Variants in SNX29 observed in about 807,000 individuals in gnomAD.
The protein encoded by SNX29 is sorting nexin 29.
In SNX29, 78 loss-of-function variants were observed where a neutral mutation model predicts 102.1. The observed-to-expected ratio is 0.76, with a 90% CI of 0.64 to 0.92. The LOEUF (loss-of-function observed/expected upper bound fraction) is 0.92. SNX29 is among the 40% of genes least tolerant of loss of function. The pLI is 0.00. For missense variants in SNX29, 1,280 were observed against 1,061.7 expected, an observed-to-expected ratio of 1.21 and a Z score of -2.86; for synonymous variants, 580 against 414.5, an observed-to-expected ratio of 1.40 and a Z score of -4.85.
chr16:12,242,736 CT>C (rs1443069904), intron 14 of SNX29, among the ~76,000 whole-genome samples: 1 of 151,890 alleles, frequency 6.6e-6, no homozygotes, highest in Non-Finnish European at 1.5e-5. Flanking sequence ...TCACTGCAGC[CT>C]CAACCTACCA....
intron 18 of SNX29, among the ~76,000 whole-genome samples, chr16:12,449,781 C>A (rs1444640726): frequency 1.3e-5 from 2 of 152,196 alleles, no homozygotes; most frequent in African/African-American, 4.8e-5. Context: ...AGTGAACTTT[C>A]CTAAATCCCA....
At chr16:12,268,593 C>G (rs566218939) in intron 14 of SNX29, among the ~76,000 whole-genome samples, 2 of 152,188 alleles carry the variant, frequency 1.3e-5, no homozygotes, top group Non-Finnish European at 2.9e-5. Flanking sequence ...CTTTCTCCTT[C>G]GGAACTGTAA....
intron 18 of SNX29, among the ~76,000 whole-genome samples, chr16:12,477,393 G>C (rs778130404): frequency 1.4e-4 from 21 of 152,198 alleles, no homozygotes; most frequent in Admixed American, 1.4e-3. Flanking sequence ...TCACCAGCAC[G>C]CTGTTAGTGC....
intron 11 of SNX29, among the ~76,000 whole-genome samples, chr16:12,091,567 G>T (rs2052545044): frequency 1.3e-5 from 2 of 151,698 alleles, no homozygotes; most frequent in African/African-American, 4.8e-5. Flanking sequence ...CAGGAGGATT[G>T]CTTGATCCCA....
intron 19 of SNX29, among the ~76,000 whole-genome samples, chr16:12,517,757 C>T (rs528371578): frequency 2.6e-5 from 4 of 151,868 alleles, no homozygotes; most frequent in Admixed American, 6.6e-5. Flanking sequence ...TGAGACTATC[C>T]CAGGAAGCAA....
intron 20 of SNX29, among the ~76,000 whole-genome samples, chr16:12,559,106 G>T (rs938117008): frequency 3.3e-5 from 5 of 152,278 alleles, no homozygotes; most frequent in Non-Finnish European, 7.4e-5. Flanking sequence ...AGGATGAGTA[G>T]TAGTCAAATC....
chr16:11,989,076 C>T (rs917279882), intron 1 of SNX29, among the ~76,000 whole-genome samples: 16 of 151,984 alleles, frequency 1.1e-4, no homozygotes, highest in Admixed American at 3.9e-4. Flanking sequence ...TGGGTTCAAG[C>T]GATTTTCCTG....
intron 20 of SNX29, among the ~76,000 whole-genome samples, chr16:12,566,904 C>T (rs1032703344): frequency 1.2e-4 from 18 of 152,208 alleles, no homozygotes; most frequent in African/African-American, 3.6e-4. Flanking sequence ...AAAAGACAAT[C>T]ATTAAAAGGG....
intron 14 of SNX29, among the ~76,000 whole-genome samples, chr16:12,234,719 G>T (rs910292774): frequency 6.6e-6 from 1 of 152,116 alleles, no homozygotes; most frequent in African/African-American, 2.4e-5. Context: ...AGGTTTTGGG[G>T]GTTGTTGGTT....
intron 20 of SNX29, among the ~76,000 whole-genome samples, chr16:12,564,323 T>C (rs987301067): frequency 2.0e-5 from 3 of 152,208 alleles, no homozygotes; most frequent in Non-Finnish European, 4.4e-5. Flanking sequence ...CTAGTGTCTC[T>C]TACCTTATTT....
chr16:12,540,005 CTTTTGCATGACACCTT>C (rs1464629993), intron 20 of SNX29, among the ~76,000 whole-genome samples: 3 of 152,148 alleles, frequency 2.0e-5, no homozygotes, highest in Non-Finnish European at 4.4e-5. Context: ...TTTTCAGTGT[CTTTTGCATGACACCTT>C]TTTAATTTTG....
At chr16:12,017,557 T>C (rs2056887919) in intron 3 of SNX29, among the ~76,000 whole-genome samples, 1 of 152,234 alleles carries the variant, frequency 6.6e-6, no homozygotes, top group Non-Finnish European at 1.5e-5. Flanking sequence ...TTTTATGTAA[T>C]TAATTCTGTG....
intron 12 of SNX29, among the ~76,000 whole-genome samples, chr16:12,127,693 A>T (rs1335659908): frequency 2.0e-5 from 3 of 152,154 alleles, no homozygotes; most frequent in Admixed American, 6.5e-5. Flanking sequence ...AAGTGCTAAG[A>T]TTATAGACGT....
intron 13 of SNX29, among the ~76,000 whole-genome samples, chr16:12,157,343 G>A (rs2055594631): frequency 6.6e-6 from 1 of 152,154 alleles, no homozygotes; most frequent in East Asian, 1.9e-4. Context: ...GGAGGTGGGA[G>A]TGAGTAGGCG....
rs558799680 is a variant in SNX29, at chr16:12,177,189, C to T, written c.1596-22412C>T. On this transcript the variant is annotated intron_variant, in intron 13 of 20. Coordinates refer to ENST00000566228, the MANE Select transcript of SNX29 (RefSeq NM_032167.5). The stretch of plus-strand genomic sequence containing the variant: ...TCTTGAACTCCAAGAGATCCTCAAG[C>T]GATCCTCCCACCTCAGCCTCCCAAA... Among the ~76,000 whole-genome samples, 7 of 152,208 alleles carry T rather than the reference C, an allele frequency of 4.6e-5. No individual in the cohort carries two copies. The South Asian group carries it at 1.0e-3, about 23-fold the overall frequency.
intron 14 of SNX29, among the ~76,000 whole-genome samples, chr16:12,211,888 A>G (rs916136236): frequency 3.9e-5 from 6 of 152,184 alleles, no homozygotes; most frequent in African/African-American, 1.4e-4. Context: ...TACCTTTACA[A>G]TGACATTTAG....
intron 15 of SNX29, among the ~76,000 whole-genome samples, chr16:12,303,116 T>C (rs2080230012): frequency 6.6e-6 from 1 of 152,220 alleles, no homozygotes; most frequent in African/African-American, 2.4e-5. Context: ...CAATTTACCG[T>C]GAAGCTGTCT....
At chr16:12,005,691 G>A (rs894160805) in intron 3 of SNX29, among the ~76,000 whole-genome samples, 3 of 152,150 alleles carry the variant, frequency 2.0e-5, no homozygotes, top group Non-Finnish European at 4.4e-5. Context: ...CACGGGTGGA[G>A]TATCCCTCAT....
chr16:12,214,285 C>A (rs764119260), intron 14 of SNX29, among the ~76,000 whole-genome samples: 1 of 152,186 alleles, frequency 6.6e-6, no homozygotes, highest in Non-Finnish European at 1.5e-5. Context: ...TGCCTCAGCT[C>A]CCTCCTCGGA....
Sources: gnomAD v4.1 joint callset for allele counts (sites outside exome capture counted in the v4.1 genomes callset) on GRCh38, gnomAD v4.1.1 for gene constraint, MANE v1.5 for transcripts, NCBI Gene and HGNC (gene_info 2026-07-23, HGNC 2026-07-21) for gene names.